F2RL2: variants seen among roughly 807,000 people sequenced by gnomAD.
F2RL2 encodes the protein coagulation factor II thrombin receptor like 2.
In F2RL2, 4 loss-of-function variants were observed where a neutral mutation model predicts 4.3. The ratio of observed to expected loss-of-function variants is 0.93; its 90% CI spans 0.46 to 2.12. The LOEUF (loss-of-function observed/expected upper bound fraction) is 2.12. Among genes scored for constraint, F2RL2 ranks in the 30% most tolerant of loss-of-function variants. F2RL2 has a pLI of 0.02. For synonymous variants in F2RL2, 166 were observed against 170.9 expected (o/e 0.97, Z 0.22); for missense variants, 408 against 449.3 (o/e 0.91, Z 0.83).
At position 76,618,199 on chromosome 5, in the gene F2RL2, T is replaced by C; in HGVS notation, c.508A>G (p.Thr170Ala). ...VFGEVLCRATTVIFYGNMYCS... is the reference protein window; with the variant it reads ...VFGEVLCRATAVIFYGNMYCS... Reference sequence around the variant, plus strand: ...TACATGTTGCCATAGAAGATGACTGTGGTGGCCCGGCACAGGACCTCTCCA... The same window carrying C: ...TACATGTTGCCATAGAAGATGACTGCGGTGGCCCGGCACAGGACCTCTCCA... The change falls in exon 2 of 2, where the codon ACA (threonine) becomes GCA (alanine). Residue 170 changes from threonine to alanine, a missense_variant. Thr to Ala is a moderately conservative substitution (Grantham distance 58). Coordinates refer to ENST00000296641, the MANE Select transcript of F2RL2 (RefSeq NM_004101.4). 1 of 1,614,190 alleles carries C rather than the reference T, an allele frequency of 6.2e-7. No homozygotes were observed. The highest frequency in any genetic ancestry group is 8.5e-7 in the Non-Finnish European group (1 of 1,180,038).
In F2RL2 at chr5:76,617,969, A is replaced by G; in HGVS notation, c.738T>C (p.His246=). The G allele has an allele frequency of 6.2e-7, 1 of 1,614,158 alleles. No homozygotes were observed. The highest frequency in any genetic ancestry group is 8.5e-7 in the Non-Finnish European group (1 of 1,180,022). ...AGGACTCGCAAGTGTTGTGAACATCATGGCAGGTGGTGATGTCTGGCTGAA... is the reference window on the plus strand; with the variant it reads ...AGGACTCGCAAGTGTTGTGAACATCGTGGCAGGTGGTGATGTCTGGCTGAA... The part of the protein sequence containing the change: ...YLVQPDITTC[H]DVHNTCESSS... Residue 246 remains histidine, a synonymous_variant, in exon 2 of 2, where the codon CAT becomes CAC. Transcript: ENST00000296641.
Position 76,618,606 on chromosome 5 carries a change from G to C in F2RL2, c.101C>G (p.Thr34Ser), listed in dbSNP as rs1749264046. The change falls in exon 2 of 2, where the codon ACC becomes AGC. Residue 34 changes from threonine (T) to serine (S), a missense_variant. Thr to Ser is a moderately conservative substitution (Grantham distance 58, BLOSUM62 1). Coordinates refer to ENST00000296641, the MANE Select transcript of F2RL2 (RefSeq NM_004101.4). ...ENDTNNLAKPTLPIKTFRGAP... is the reference protein window; with the variant it reads ...ENDTNNLAKPSLPIKTFRGAP... Reference sequence around the variant, plus strand: ...TCCACGAAAGGTCTTAATGGGTAAGGTTGGCTTTGCCAAGTTGTTTGTATC... The same window carrying C: ...TCCACGAAAGGTCTTAATGGGTAAGCTTGGCTTTGCCAAGTTGTTTGTATC... 1.2e-6 allele frequency: 2 copies of C among 1,613,534 alleles called. No individual in the cohort carries two copies. The highest frequency in any genetic ancestry group is 4.5e-5 in the East Asian group (2 of 44,878).
chr5:76,618,769 A>T, intron 1 of F2RL2, 127 bp from the exon 2 acceptor site: 1 of 821,722 alleles, frequency 1.2e-6, no homozygotes, highest in Non-Finnish European at 1.9e-6. Flanking sequence ...AAGTTATTGT[A>T]GATTAGGCAG....
At chr5:76,619,607 C>G (rs1201332547) in intron 1 of F2RL2, among the ~76,000 whole-genome samples, 1 of 151,476 alleles carries the variant, frequency 6.6e-6, no homozygotes, top group East Asian at 1.9e-4. Flanking sequence ...ACCTCCGCCT[C>G]CCGGGTTCAC....
chr5:76,618,652 A>G lies in F2RL2; in HGVS notation c.65-10T>C, dbSNP rs775527147. 3.1e-6 allele frequency: 5 copies of G among 1,596,442 alleles called. No homozygotes were observed. The South Asian group carries it at 5.5e-5, about 18-fold the overall frequency. ...GTATCATTTTCCATGCCTGTAATTG[A>G]AAGAAAGTATTAACATAAATGTATA... On this transcript the variant is annotated splice_polypyrimidine_tract_variant and intron_variant, in intron 1 of 1. Transcript: ENST00000296641.
At position 76,616,744 on chromosome 5, in the gene F2RL2, C is replaced by G. The variant is rs1749012502; in HGVS notation, c.*838G>C. On this transcript the variant is annotated 3_prime_UTR_variant, in exon 2 of 2. Coordinates refer to ENST00000296641, the MANE Select transcript of F2RL2 (RefSeq NM_004101.4). The stretch of plus-strand genomic sequence containing the variant: ...TGGTGCATGCCTGTAGTCTTAGTTA[C>G]TTGGGAGGCTGAGACAGCAGGATTG... 6.6e-6 allele frequency: 1 copy of G among 152,496 alleles called. No homozygotes were observed. Among genetic ancestry groups the G allele is most frequent in the Admixed American group, 6.6e-5 (1 of 15,262 alleles). 9.4% of individuals were successfully genotyped at this position (152,496 alleles called of 1,614,324 possible). A position where few individuals can be genotyped will look rare whatever the true frequency, so the allele number is the denominator to read the frequency against.
At chr5:76,621,498 T>A (rs1650431363) in intron 1 of F2RL2, among the ~76,000 whole-genome samples, 1 of 152,208 alleles carries the variant, frequency 6.6e-6, no homozygotes, top group South Asian at 2.1e-4. Context: ...AGAAGTGCCT[T>A]TAAAGATAGG....
At chr5:76,619,692 AT>A (rs545549597) in intron 1 of F2RL2, among the ~76,000 whole-genome samples, 1 of 151,490 alleles carries the variant, frequency 6.6e-6, no homozygotes, top group Non-Finnish European at 1.5e-5. Flanking sequence ...AATTTTTTGT[AT>A]TTTTTTAGTA....
rs541371957 is a variant in F2RL2 at position 76,617,914 on chromosome 5, A to C, written c.793T>G (p.Ser265Ala). The change falls in exon 2 of 2, where the codon TCC becomes GCC. Residue 265 changes from serine to alanine, a missense_variant. Transcript: ENST00000296641. ...SSPFQLYYFI[S>A]LAFFGFLIPF... is the part of the protein sequence containing the mutation. ...ATTAAGAATCCAAAGAATGCCAAGG[A>C]GATGAAGTAATAGAGTTGGAAGGGA... 1.2e-6 allele frequency: 2 copies of C among 1,614,144 alleles called. No homozygotes were observed. Among genetic ancestry groups the C allele is most frequent in the Non-Finnish European group, 1.7e-6 (2 of 1,180,020 alleles).
rs1367242998 is a variant in F2RL2, at chr5:76,623,283, G to A, written c.-53C>T. 4.4e-6 allele frequency: 7 copies of A among 1,597,954 alleles called. No homozygotes were observed. The highest frequency in any genetic ancestry group is 2.7e-5 in the African/African-American group (2 of 74,570). On this transcript the variant is annotated 5_prime_UTR_variant, in exon 1 of 2. Transcript: ENST00000296641. ...ACGTTATGAAATCTGTAAAATCATG[G>A]AGCACAATTTCACCTCAGTTCCATG...
At position 76,618,449 on chromosome 5, in the gene F2RL2, C is replaced by T. The variant is rs764914705; in HGVS notation, c.258G>A (p.Gly86=). ...SHLHVKNATM[G]YLTSSLSTKL... is the part of the protein sequence containing the mutation. ...TAGTACTTAAGGAGCTGGTCAGGTACCCCATGGTAGCATTTTTCACATGGA... is the reference window on the plus strand; with the variant it reads ...TAGTACTTAAGGAGCTGGTCAGGTATCCCATGGTAGCATTTTTCACATGGA... Residue 86 remains glycine (G), a synonymous_variant, in exon 2 of 2, where the codon GGG becomes GGA. Coordinates refer to ENST00000296641, the MANE Select transcript of F2RL2 (RefSeq NM_004101.4). The T allele has an allele frequency of 1.9e-6, 3 of 1,614,116 alleles. No homozygotes were observed. Among genetic ancestry groups the T allele is most frequent in the Non-Finnish European group, 2.5e-6 (3 of 1,180,018 alleles).
chr5:76,620,167 G>A (rs754072540), intron 1 of F2RL2, among the ~76,000 whole-genome samples: 20 of 152,166 alleles, frequency 1.3e-4, no homozygotes, highest in South Asian at 4.2e-4. Flanking sequence ...GAATATAGCC[G>A]TTATTTTGAC....
chr5:76,622,930 T>C (rs1749849298), intron 1 of F2RL2, among the ~76,000 whole-genome samples: 1 of 152,232 alleles, frequency 6.6e-6, no homozygotes, highest in Non-Finnish European at 1.5e-5. Flanking sequence ...ATCTAAAATC[T>C]TGAATATGCC....
intron 1 of F2RL2, among the ~76,000 whole-genome samples, chr5:76,622,718 TAGCATTGCCAGCTATTGAA>T (rs1395413743): frequency 6.6e-6 from 1 of 152,230 alleles, no homozygotes; most frequent in African/African-American, 2.4e-5. Flanking sequence ...ACTGACTTAT[TAGCATTGCCAGCTATTGAA>T]AGCAGATGAC....
Position 76,617,674 on chromosome 5 carries a change from A to G in F2RL2, c.1033T>C (p.Cys345Arg). ...GLYFIYLIAL[C>R]LGSLNSCLDP... Reference sequence around the variant, plus strand: ...AAGCAACTATTAAGACTACCCAGGCACAAAGCTATGAGATATATAAAATAT... The same window carrying G: ...AAGCAACTATTAAGACTACCCAGGCGCAAAGCTATGAGATATATAAAATAT... Residue 345 changes from cysteine (C) to arginine (R), a missense_variant, in exon 2 of 2, where the codon TGC becomes CGC. By Grantham distance (180) the Cys-to-Arg change is radical. Coordinates refer to ENST00000296641, the MANE Select transcript of F2RL2 (RefSeq NM_004101.4). 3.1e-6 allele frequency: 5 copies of G among 1,614,142 alleles called. No individual in the cohort carries two copies. The highest frequency in any genetic ancestry group is 4.2e-6 in the Non-Finnish European group (5 of 1,180,014).
rs762461171 is a variant in F2RL2 at position 76,618,029 on chromosome 5, C to A, written c.678G>T (p.Leu226=). The A allele has an allele frequency of 4.3e-6, 7 of 1,613,964 alleles. No individual in the cohort carries two copies. The highest frequency in any genetic ancestry group is 5.9e-6 in the Non-Finnish European group (7 of 1,180,030). ...LVWATVFLYM[L]PFFILKQEYY... is the part of the protein sequence containing the mutation. ...ATTCCTGCTTCAGTATGAAAAATGG[C>A]AGCATATATAAGAAAACTGTTGCCC... Residue 226 remains leucine, a synonymous_variant, in exon 2 of 2, where the codon CTG becomes CTT. Transcript: ENST00000296641.
rs1253977415 is a variant in F2RL2, at chr5:76,623,070, C to T, written c.64+97G>A. 3 of 1,095,354 alleles carry T rather than the reference C, an allele frequency of 2.7e-6. No homozygotes were observed. The Admixed American group carries it at 5.6e-5, about 21-fold the overall frequency. The allele number at this position is 1,095,354 out of a possible 1,614,324, so 67.9% of individuals were successfully genotyped here. ...AAGATCAAACTGCCTTTGGGGTTTA[C>T]AGTTTGTGTGAGATGCAAAGAAACC... On this transcript the variant is annotated intron_variant, in intron 1 of 1. Coordinates refer to ENST00000296641, the MANE Select transcript of F2RL2 (RefSeq NM_004101.4).
rs1256602117 is a variant in F2RL2 at position 76,617,975 on chromosome 5, G to A, written c.732C>T (p.Thr244=). The change falls in exon 2 of 2, where the codon ACC becomes ACT. Residue 244 remains threonine (T), a synonymous_variant. Transcript: ENST00000296641. The stretch of plus-strand genomic sequence containing the variant: ...CGCAAGTGTTGTGAACATCATGGCA[G>A]GTGGTGATGTCTGGCTGAACAAGAT... The part of the protein sequence containing the change: ...EYYLVQPDIT[T]CHDVHNTCES... The A allele has an allele frequency of 1.9e-6, 3 of 1,614,060 alleles. No homozygotes were observed. Among genetic ancestry groups the A allele is most frequent in the Non-Finnish European group, 2.5e-6 (3 of 1,180,040 alleles).
intron 1 of F2RL2, among the ~76,000 whole-genome samples, chr5:76,620,264 A>G (rs1033018424): frequency 9.8e-5 from 15 of 152,322 alleles, no homozygotes; most frequent in Admixed American, 2.6e-4. Context: ...TTTGGAGGCT[A>G]CTGTCATCAT....
Sources: allele counts gnomAD v4.1 joint callset (sites outside exome capture counted in the v4.1 genomes callset), GRCh38; gene constraint gnomAD v4.1.1; transcripts MANE v1.5; gene names NCBI Gene and HGNC (gene_info 2026-07-23, HGNC 2026-07-21).